Variants in CHST11 observed in about 807,000 individuals in gnomAD.
CHST11 encodes the protein C4S-1.
Under a neutral mutation model 30.4 loss-of-function variants are expected in CHST11, and 9 were observed. That is an observed-to-expected ratio of 0.30 (90% CI 0.18 to 0.52). CHST11 has a LOEUF of 0.52. CHST11 is among the 20% of genes least tolerant of loss of function. The pLI, the probability that CHST11 is intolerant of heterozygous loss-of-function variation, is 0.97. For missense variants in CHST11, 348 were observed against 460.6 expected (o/e 0.76, Z 2.24); for synonymous variants, 152 against 187.8 (o/e 0.81, Z 1.56).
chr12:104,562,445 C>T (rs779625879), intron 1 of CHST11, among the ~76,000 whole-genome samples: 3 of 152,110 alleles, frequency 2.0e-5, no homozygotes, highest in Non-Finnish European at 2.9e-5. Flanking sequence ...GCGCAGAGCC[C>T]GTAATAGTGG....
At chr12:104,691,382 A>G (rs1330114364) in intron 2 of CHST11, among the ~76,000 whole-genome samples, 1 of 151,824 alleles carries the variant, frequency 6.6e-6, no homozygotes, top group African/African-American at 2.4e-5. Context: ...ACAAGCCAGC[A>G]TTCCCCAAAG....
Position 104,757,223 on chromosome 12 carries a change from A to C in CHST11, c.479A>C (p.Asn160Thr), listed in dbSNP as rs200936081. 6.2e-7 allele frequency: 1 copy of C among 1,614,020 alleles called. No homozygotes were observed. Among genetic ancestry groups the C allele is most frequent in the African/African-American group, 1.3e-5 (1 of 74,902 alleles). The change falls in exon 3 of 3, where the codon AAC (asparagine) becomes ACC (threonine). Residue 160 changes from asparagine to threonine, a missense_variant. Around this residue, in one of 3 missense-constraint regions of CHST11, gnomAD observed 210 missense variants for 287.2 expected, o/e 0.73. Coordinates refer to ENST00000303694, the MANE Select transcript of CHST11 (RefSeq NM_018413.6). This position sits in a 1 kb window ranked among gnomAD's most constrained non-coding sequence, Gnocchi z 6.5. ...GCCAACGAGGCACACGTCTCCGCCA[A>C]CCTGAAGACCCTGAACCAGTACAGC... ...IPANEAHVSANLKTLNQYSIP... is the reference protein window; with the variant it reads ...IPANEAHVSATLKTLNQYSIP...
intron 2 of CHST11, among the ~76,000 whole-genome samples, chr12:104,756,532 G>GGGGTGT (rs1555250374): frequency 7.5e-4 from 107 of 143,398 alleles, no homozygotes; most frequent in African/African-American, 2.6e-3. Context: ...ATCCATGTGG[G>GGGGTGT]GTGTGTGTGT....
chr12:104,590,269 A>G (rs1017940993), intron 1 of CHST11, among the ~76,000 whole-genome samples: 5 of 152,170 alleles, frequency 3.3e-5, no homozygotes, highest in African/African-American at 4.8e-5. Context: ...TGGGGTGCTC[A>G]TCAAGCTTGA....
intron 2 of CHST11, among the ~76,000 whole-genome samples, chr12:104,730,415 C>T (rs1426307507): frequency 1.3e-5 from 2 of 152,238 alleles, no homozygotes; most frequent in East Asian, 3.8e-4. Flanking sequence ...GCCACTGATA[C>T]AGGTGTTCAC....
At chr12:104,731,881 A>G (rs2040261095) in intron 2 of CHST11, among the ~76,000 whole-genome samples, 1 of 152,216 alleles carries the variant, frequency 6.6e-6, no homozygotes, top group African/African-American at 2.4e-5. Flanking sequence ...TTAATCCCCA[A>G]CGTACTGGGC....
At chr12:104,537,052 G>A (rs2038243826) in intron 1 of CHST11, among the ~76,000 whole-genome samples, 1 of 152,228 alleles carries the variant, frequency 6.6e-6, no homozygotes, top group Admixed American at 6.5e-5. Flanking sequence ...TCAGGCATGT[G>A]CATGGCTGCC....
At chr12:104,602,672 T>C (rs987896092) in intron 2 of CHST11, among the ~76,000 whole-genome samples, 7 of 152,204 alleles carry the variant, frequency 4.6e-5, no homozygotes, top group South Asian at 2.1e-4. Context: ...ACTCTGGGGC[T>C]GATCCTTTTG....
In CHST11 at chr12:104,575,946, G is replaced by C. The variant is rs1287749612; in HGVS notation, c.119-25960G>C. ...TTGTCTTCTATTGTTAGAAACCAAA[G>C]CTCATGCACGAATGCCACCCACCCT... On this transcript the variant is annotated intron_variant, in intron 1 of 2. Transcript: ENST00000303694. Among the ~76,000 whole-genome samples, 11 of 151,826 alleles carry C rather than the reference G, an allele frequency of 7.2e-5. No homozygotes were observed. The East Asian group carries it at 8.1e-4, about 11-fold the overall frequency.
chr12:104,478,009 C>T (rs905547807), intron 1 of CHST11, among the ~76,000 whole-genome samples: 19 of 152,112 alleles, frequency 1.2e-4, no homozygotes, highest in African/African-American at 4.6e-4. Context: ...CTGGCAGCAC[C>T]CTGAGAATGA....
intron 2 of CHST11, among the ~76,000 whole-genome samples, chr12:104,727,566 T>G (rs2040225904): frequency 6.6e-6 from 1 of 152,220 alleles, no homozygotes; most frequent in Non-Finnish European, 1.5e-5. Flanking sequence ...ATGATAAGAC[T>G]GGACCAACCA....
At chr12:104,681,758 A>G (rs1411729789) in intron 2 of CHST11, among the ~76,000 whole-genome samples, 1 of 151,364 alleles carries the variant, frequency 6.6e-6, no homozygotes, top group Admixed American at 6.6e-5. Flanking sequence ...AGACAATTGA[A>G]GTCTGTTTTT....
intron 1 of CHST11, among the ~76,000 whole-genome samples, chr12:104,570,033 A>C (rs1363969598): frequency 6.6e-6 from 1 of 152,168 alleles, no homozygotes; most frequent in Non-Finnish European, 1.5e-5. Flanking sequence ...GACAACCTAC[A>C]AAACCAACAT....
At chr12:104,614,328 G>A (rs564926026) in intron 2 of CHST11, among the ~76,000 whole-genome samples, 113 of 152,220 alleles carry the variant, frequency 7.4e-4, no homozygotes, top group Admixed American at 2.4e-3. Flanking sequence ...GAGGTGGGAG[G>A]ATGACAAGAG....
chr12:104,527,636 T>TA, intron 1 of CHST11, among the ~76,000 whole-genome samples: 1 of 152,222 alleles, frequency 6.6e-6, no homozygotes, highest in Non-Finnish European at 1.5e-5. Flanking sequence ...TTTATTGAAT[T>TA]AGTTAAGACT....
At chr12:104,518,657 A>G (rs961650344) in intron 1 of CHST11, among the ~76,000 whole-genome samples, 5 of 152,168 alleles carry the variant, frequency 3.3e-5, no homozygotes, top group African/African-American at 9.7e-5. Flanking sequence ...TGCAGGAAAA[A>G]CACTTCAGGT....
rs992393996 is a variant in CHST11, at chr12:104,686,171, A to G, written c.205-70778A>G. ...TCGCTGGAGCCCGAGTTTGGAGGCT[A>G]TAGTGAACTATGGTCCCACCACTGC... On this transcript the variant is annotated intron_variant, in intron 2 of 2. Transcript: ENST00000303694. Among the ~76,000 whole-genome samples, 7 of 144,098 alleles carry G rather than the reference A, an allele frequency of 4.9e-5. No homozygotes were observed. The East Asian group carries it at 9.3e-4, about 19-fold the overall frequency. 94.5% of individuals were successfully genotyped at this position (144,098 alleles called of 152,430 possible).
intron 1 of CHST11, among the ~76,000 whole-genome samples, chr12:104,468,267 G>GA (rs918489233): frequency 6.6e-6 from 1 of 152,086 alleles, no homozygotes. Context: ...ATGAACCAAT[G>GA]AAATAGTAAA....
intron 1 of CHST11, among the ~76,000 whole-genome samples, chr12:104,545,885 G>T (rs1262658920): frequency 6.6e-6 from 1 of 151,976 alleles, no homozygotes; most frequent in African/African-American, 2.4e-5. Context: ...GAATGCAATG[G>T]TATGATCTCA....
Sources: allele counts gnomAD v4.1 joint callset (sites outside exome capture counted in the v4.1 genomes callset), GRCh38; gene constraint gnomAD v4.1.1; regional missense constraint gnomAD v4.1.1; non-coding constraint Gnocchi (gnomAD v3.1); transcripts MANE v1.5; gene names NCBI Gene and HGNC (gene_info 2026-07-23, HGNC 2026-07-21).